MAK: variants seen among roughly 807,000 people sequenced by gnomAD.
The protein encoded by MAK is male germ cell associated kinase, also known as serine/threonine-protein kinase MAK.
In MAK, 65 loss-of-function variants were observed where a neutral mutation model predicts 82.6. That is an observed-to-expected ratio of 0.79 (90% CI 0.64 to 0.97). The LOEUF (loss-of-function observed/expected upper bound fraction) is 0.97, where lower values mean the gene tolerates loss of function less well. MAK is among the 50% of genes least tolerant of loss of function. The pLI, the probability that MAK is intolerant of heterozygous loss-of-function variation, is 0.00. For missense variants in MAK, 703 were observed against 780.2 expected (o/e 0.90, Z 1.18); for synonymous variants, 250 against 274.2 (o/e 0.91, Z 0.87).
rs7754009 is a variant in MAK at position 10,802,352 on chromosome 6, T to C, written c.664-293A>G. On this transcript the variant is annotated intron_variant, in intron 7 of 14. Coordinates refer to ENST00000354489, the MANE Select transcript of MAK (RefSeq NM_001242957.3). Reference sequence around the variant, plus strand: ...ACAGGATCTGGCTCTGTTATCCAGGTTGGAGTGCAGTGGAGCAATCATGGC... The same window carrying C: ...ACAGGATCTGGCTCTGTTATCCAGGCTGGAGTGCAGTGGAGCAATCATGGC... 44,282 of 336,894 alleles carry C rather than the reference T, an allele frequency of 0.13. 3,021 individuals are homozygous for C. The highest frequency in any genetic ancestry group is 0.17 in the Middle Eastern group (175 of 1,014). The allele number at this position is 336,894 out of a possible 1,614,324, so 20.9% of individuals were successfully genotyped here.
intron 11 of MAK, among the ~76,000 whole-genome samples, chr6:10,780,764 CAAACAAAA>C (rs1262715696): frequency 2.0e-5 from 3 of 151,886 alleles, no homozygotes; most frequent in Non-Finnish European, 2.9e-5. Context: ...CCAATTTAAA[CAAACAAAA>C]AAACAAAAAA....
At chr6:10,797,330 A>C (rs1412935347) in intron 8 of MAK, among the ~76,000 whole-genome samples, 1 of 152,234 alleles carries the variant, frequency 6.6e-6, no homozygotes, top group African/African-American at 2.4e-5. Context: ...ACCATCTAAT[A>C]GCAGTGCTTC....
chr6:10,773,174 A>T, intron 12 of MAK, 66 bp from the exon 13 acceptor site: 1 of 876,726 alleles, frequency 1.1e-6, no homozygotes, highest in South Asian at 2.0e-5. Flanking sequence ...AAGCAGAGAA[A>T]AAATGGATTA....
intron 2 of MAK, among the ~76,000 whole-genome samples, chr6:10,825,352 T>G (rs1167167250): frequency 6.6e-6 from 1 of 152,140 alleles, no homozygotes; most frequent in Non-Finnish European, 1.5e-5. Flanking sequence ...TTCCCTTGGT[T>G]TCAGATATTT....
Position 10,782,960 on chromosome 6 carries a change from G to A in MAK, c.1465+1464C>T, listed in dbSNP as rs1395855449. Among the ~76,000 whole-genome samples the A allele has an allele frequency of 2.0e-5, 3 of 152,096 alleles. 1 individual carries two copies. The highest frequency in any genetic ancestry group is 1.5e-5 in the Non-Finnish European group (1 of 68,022). ...TGTGTTACAGATCCATCTTTTGCTGGCAATCCTGTCTCAACCTTTTCTCTT... is the reference window on the plus strand; with the variant it reads ...TGTGTTACAGATCCATCTTTTGCTGACAATCCTGTCTCAACCTTTTCTCTT... On this transcript the variant is annotated intron_variant, in intron 11 of 14. Transcript: ENST00000354489.
chr6:10,811,325 C>A (rs1027037390), intron 5 of MAK, among the ~76,000 whole-genome samples: 1 of 152,250 alleles, frequency 6.6e-6, no homozygotes. Context: ...ATATCTATTT[C>A]TTGAAGTATT....
intron 4 of MAK, among the ~76,000 whole-genome samples, chr6:10,815,990 C>T (rs1483654903): frequency 2.1e-5 from 3 of 144,770 alleles, no homozygotes; most frequent in Non-Finnish European, 4.5e-5. Context: ...TCTTCTGTTG[C>T]CCAGGCTGCA....
intron 6 of MAK, 50 bp from the exon 7 acceptor site, chr6:10,803,941 T>C (rs750532382): frequency 1.3e-6 from 2 of 1,508,862 alleles, no homozygotes; most frequent in Non-Finnish European, 1.8e-6. Flanking sequence ...ATTTCAAAGG[T>C]GGATGGGCAG....
At chr6:10,827,489 A>G (rs928706223) in intron 2 of MAK, among the ~76,000 whole-genome samples, 5 of 152,190 alleles carry the variant, frequency 3.3e-5, no homozygotes, top group South Asian at 2.1e-4. Flanking sequence ...AGTATCCCCA[A>G]TGCAATCCTA....
At chr6:10,797,854 A>C (rs1001996801) in intron 8 of MAK, 1 of 1,285,470 alleles carries the variant, frequency 7.8e-7, no homozygotes, top group Non-Finnish European at 1.0e-6. Context: ...AGGTCTTTCC[A>C]CTTCCACTAA....
At chr6:10,795,651 G>A (rs769102126) in intron 9 of MAK, among the ~76,000 whole-genome samples, 2 of 149,714 alleles carry the variant, frequency 1.3e-5, no homozygotes, top group African/African-American at 2.5e-5. Context: ...GGCTGAGGCA[G>A]GAGAATCGCT....
At chr6:10,831,572 A>G (rs1778811484) in intron 1 of MAK, among the ~76,000 whole-genome samples, 1 of 152,124 alleles carries the variant, frequency 6.6e-6, no homozygotes, top group African/African-American at 2.4e-5. Context: ...GCACCATATC[A>G]TGCCCTTCTT....
At chr6:10,782,414 A>G (rs914811233) in intron 11 of MAK, among the ~76,000 whole-genome samples, 7 of 151,978 alleles carry the variant, frequency 4.6e-5, no homozygotes, top group African/African-American at 1.7e-4. Flanking sequence ...TAAAGCCTCA[A>G]TTCACCCCCT....
chr6:10,822,831 G>A (rs905504874), intron 2 of MAK, among the ~76,000 whole-genome samples: 11 of 152,052 alleles, frequency 7.2e-5, no homozygotes, highest in African/African-American at 2.7e-4. Context: ...GGGCTTAATA[G>A]ATATTTATTA....
rs780036937 is a variant in MAK, at chr6:10,764,814, C to T, written c.1793-208G>A. ...TCCATTAGAATTTCCAGTAGCTGGC[C>T]GGGCGCAGTGGCTCCTGCCTGTAGT... On this transcript the variant is annotated intron_variant, in intron 14 of 14. Coordinates refer to ENST00000354489, the MANE Select transcript of MAK (RefSeq NM_001242957.3). Among the ~76,000 whole-genome samples the T allele has an allele frequency of 2.6e-5, 4 of 152,070 alleles. No individual in the cohort carries two copies. In the South Asian group the frequency reaches 6.2e-4, roughly 24 times the overall value.
At chr6:10,787,263 A>G (rs1395215474) in intron 10 of MAK, among the ~76,000 whole-genome samples, 3 of 152,364 alleles carry the variant, frequency 2.0e-5, no homozygotes, top group East Asian at 1.9e-4. Flanking sequence ...CAATTCACCA[A>G]TTCAGCTCCT....
intron 4 of MAK, 75 bp from the exon 5 acceptor site, chr6:10,813,798 C>G: frequency 4.8e-6 from 4 of 828,040 alleles, no homozygotes; most frequent in Non-Finnish European, 8.6e-6. Flanking sequence ...TATATTCCCC[C>G]TGCCTTGGAG....
chr6:10,807,549 C>T (rs141435891), intron 6 of MAK, among the ~76,000 whole-genome samples: 11 of 151,778 alleles, frequency 7.2e-5, no homozygotes, highest in African/African-American at 2.7e-4. Context: ...CCATGTTGGC[C>T]AGGCTGGTCT....
chr6:10,826,482 G>T (rs916490246), intron 2 of MAK: 6 of 152,068 alleles, frequency 3.9e-5, no homozygotes, highest in Non-Finnish European at 7.4e-5. Flanking sequence ...TAACAATTTT[G>T]TGCTAAATGA....
Sources: allele counts gnomAD v4.1 joint callset (sites outside exome capture counted in the v4.1 genomes callset), GRCh38; gene constraint gnomAD v4.1.1; transcripts MANE v1.5; gene names NCBI Gene and HGNC (gene_info 2026-07-23, HGNC 2026-07-21).